ECHDC3: variants seen among roughly 807,000 people sequenced by gnomAD.
ECHDC3 encodes the protein enoyl-CoA hydratase domain-containing protein 3, mitochondrial.
ECHDC3 carries 20 observed loss-of-function variants against 17.9 expected under a neutral mutation model. The ratio of observed to expected loss-of-function variants is 1.12; its 90% CI spans 0.79 to 1.63. ECHDC3 has a LOEUF of 1.63. Among genes scored for constraint, ECHDC3 ranks in the 40% most tolerant of loss-of-function variants. ECHDC3 has a pLI of 0.00. For missense variants in ECHDC3, 407 were observed against 357.7 expected, an observed-to-expected ratio of 1.14 and a Z score of -1.11; for synonymous variants, 177 against 149.7, an observed-to-expected ratio of 1.18 and a Z score of -1.33.
At chr10:11,759,022 G>GT (rs1439491647) in intron 4 of ECHDC3, among the ~76,000 whole-genome samples, 2 of 152,202 alleles carry the variant, frequency 1.3e-5, no homozygotes, top group Admixed American at 1.3e-4. Flanking sequence ...GAGATCATGA[G>GT]TATGGAGCCC....
chr10:11,749,714 G>C (rs926060007), intron 3 of ECHDC3, 122 bp downstream of exon 3: 3 of 692,546 alleles, frequency 4.3e-6, no homozygotes, highest in Non-Finnish European at 6.9e-6. Context: ...AGAGCAACTG[G>C]AAACTGTTTG....
rs138570201 is a variant in ECHDC3 at position 11,762,289 on chromosome 10, G to A, written c.592-935G>A. Among the ~76,000 whole-genome samples the A allele has an allele frequency of 1.5e-4, 23 of 152,314 alleles. No individual in the cohort carries two copies. In the East Asian group the frequency reaches 4.2e-3, roughly 28 times the overall value. On this transcript the variant is annotated intron_variant, in intron 4 of 4. Transcript: ENST00000379215. ...GCAGGACCAGAGGCCTGCAATGAGG[G>A]CGTGTGCCAGGATGACACCCAGGGA...
chr10:11,762,702 A>T (rs1442126628), intron 4 of ECHDC3, among the ~76,000 whole-genome samples: 1 of 152,188 alleles, frequency 6.6e-6, no homozygotes, highest in Non-Finnish European at 1.5e-5. Flanking sequence ...AGTTAAAACC[A>T]TGCTGGGCTC....
intron 3 of ECHDC3, among the ~76,000 whole-genome samples, chr10:11,749,984 C>T (rs973444711): frequency 6.6e-6 from 1 of 151,656 alleles, no homozygotes; most frequent in Non-Finnish European, 1.5e-5. Context: ...TTAGTAGAGA[C>T]GGGGTTTCAC....
intron 4 of ECHDC3, among the ~76,000 whole-genome samples, chr10:11,759,922 C>T (rs1832928772): frequency 6.6e-6 from 1 of 152,184 alleles, no homozygotes; most frequent in African/African-American, 2.4e-5. Flanking sequence ...TTTTGTTTTC[C>T]AGATGAAACA....
At chr10:11,746,128 G>A (rs1414195156) in intron 1 of ECHDC3, among the ~76,000 whole-genome samples, 1 of 152,106 alleles carries the variant, frequency 6.6e-6, no homozygotes, top group African/African-American at 2.4e-5. Context: ...AAGAATTTGA[G>A]ACCAGCCTGG....
chr10:11,742,470 CCG>C lies in ECHDC3; in HGVS notation c.-106_-105del. On this transcript the variant is annotated 5_prime_UTR_variant, in exon 1 of 5. Coordinates refer to ENST00000379215, the MANE Select transcript of ECHDC3 (RefSeq NM_024693.5). ...TCCGGGTCTCGGCCACCGTCGAGTTCCGTCGAGTTCCGTCCCGGCCCTGCTCA... is the reference window on the plus strand; with the variant it reads ...TCCGGGTCTCGGCCACCGTCGAGTTCTCGAGTTCCGTCCCGGCCCTGCTCA... 2.7e-6 allele frequency: 3 copies of C among 1,118,328 alleles called. No homozygotes were observed. Among genetic ancestry groups the C allele is most frequent in the South Asian group, 4.3e-5 (1 of 23,272 alleles). The allele number at this position is 1,118,328 out of a possible 1,614,324, so 69.3% of individuals were successfully genotyped here.
intron 1 of ECHDC3, 136 bp downstream of exon 1, chr10:11,742,882 C>T: frequency 9.6e-7 from 1 of 1,041,516 alleles, no homozygotes; most frequent in Non-Finnish European, 1.2e-6. Flanking sequence ...GTCCCGGACC[C>T]GGGCCTGGCA....
chr10:11,758,214 C>T (rs1208470489), intron 4 of ECHDC3, among the ~76,000 whole-genome samples: 1 of 152,126 alleles, frequency 6.6e-6, no homozygotes, highest in East Asian at 1.9e-4. Flanking sequence ...AATAATATTC[C>T]CCATTTGTAA....
chr10:11,752,468 A>G (rs1832837601), intron 3 of ECHDC3, among the ~76,000 whole-genome samples: 1 of 151,888 alleles, frequency 6.6e-6, no homozygotes, highest in East Asian at 1.9e-4. Context: ...AACAGTTTTG[A>G]AAGTCTAGAA....
chr10:11,754,975 G>A (rs1334132444), intron 3 of ECHDC3, among the ~76,000 whole-genome samples: 4 of 152,134 alleles, frequency 2.6e-5, no homozygotes, highest in Non-Finnish European at 5.9e-5. Flanking sequence ...CCATAGAATC[G>A]GATAAACTCA....
chr10:11,759,517 C>T (rs1417907614), intron 4 of ECHDC3, among the ~76,000 whole-genome samples: 1 of 152,216 alleles, frequency 6.6e-6, no homozygotes, highest in East Asian at 1.9e-4. Flanking sequence ...AACTCTCCAG[C>T]CTCCAGAACT....
chr10:11,754,299 T>TAACCCAGATTTC (rs6143782), intron 3 of ECHDC3, among the ~76,000 whole-genome samples: 2 of 152,060 alleles, frequency 1.3e-5, no homozygotes, highest in Non-Finnish European at 2.9e-5. Flanking sequence ...TGCCTTGGGG[T>TAACCCAGATTTC]ATTCCCATCC....
chr10:11,760,293 G>T (rs1295008834), intron 4 of ECHDC3, among the ~76,000 whole-genome samples: 1 of 152,176 alleles, frequency 6.6e-6, no homozygotes, highest in African/African-American at 2.4e-5. Flanking sequence ...GCAGGCTTGG[G>T]ACCAGGCCCC....
intron 4 of ECHDC3, among the ~76,000 whole-genome samples, chr10:11,756,624 A>G (rs935587417): frequency 2.0e-5 from 3 of 152,222 alleles, no homozygotes; most frequent in Non-Finnish European, 4.4e-5. Context: ...GAACACACAC[A>G]CTTAGGACAG....
In ECHDC3 at chr10:11,759,518, C is replaced by T. The variant is rs145596557; in HGVS notation, c.592-3706C>T. ...GCACCCTCACCTTGAACTCTCCAGCCTCCAGAACTTGTGAGATATAAATGT... is the reference window on the plus strand; with the variant it reads ...GCACCCTCACCTTGAACTCTCCAGCTTCCAGAACTTGTGAGATATAAATGT... On this transcript the variant is annotated intron_variant, in intron 4 of 4. Coordinates refer to ENST00000379215, the MANE Select transcript of ECHDC3 (RefSeq NM_024693.5). Among the ~76,000 whole-genome samples the T allele has an allele frequency of 3.8e-4, 58 of 152,318 alleles. 1 individual carries two copies. In the East Asian group the frequency reaches 0.011, roughly 28 times the overall value.
intron 3 of ECHDC3, among the ~76,000 whole-genome samples, chr10:11,754,561 G>A (rs1382600827): frequency 2.0e-5 from 3 of 152,066 alleles, no homozygotes; most frequent in African/African-American, 7.2e-5. Flanking sequence ...CATCTTCATG[G>A]TGGTAATTGG....
chr10:11,747,493 T>G (rs759085087), intron 2 of ECHDC3, 23 bp downstream of exon 2: 1 of 1,612,166 alleles, frequency 6.2e-7, no homozygotes. Flanking sequence ...TATCTGTCCT[T>G]AGTATTCTGC....
intron 1 of ECHDC3, among the ~76,000 whole-genome samples, chr10:11,743,063 C>T (rs761303785): frequency 1.3e-5 from 2 of 152,210 alleles, no homozygotes; most frequent in African/African-American, 4.8e-5. Flanking sequence ...TGGGCTTGGT[C>T]GAGCTGCTCC....
Sources: allele counts gnomAD v4.1 joint callset (sites outside exome capture counted in the v4.1 genomes callset), GRCh38; gene constraint gnomAD v4.1.1; transcripts MANE v1.5; gene names NCBI Gene and HGNC (gene_info 2026-07-23, HGNC 2026-07-21).